POLR3G: variants seen among roughly 807,000 people sequenced by gnomAD.
The protein encoded by POLR3G is DNA-directed RNA polymerase III subunit RPC7.
Under a neutral mutation model 30.1 loss-of-function variants are expected in POLR3G, and 28 were observed. That is an observed-to-expected ratio of 0.93 (90% CI 0.69 to 1.27). POLR3G has a LOEUF of 1.27. POLR3G is among the 50% of genes most tolerant of loss of function. POLR3G has a pLI of 0.00. For missense variants in POLR3G, 254 were observed against 264.6 expected, an observed-to-expected ratio of 0.96 and a Z score of 0.28; for synonymous variants, 79 against 82.5, an observed-to-expected ratio of 0.96 and a Z score of 0.23.
chr5:90,476,731 C>G (rs1247880296), intron 1 of POLR3G, among the ~76,000 whole-genome samples: 1 of 152,200 alleles, frequency 6.6e-6, no homozygotes, highest in East Asian at 1.9e-4. Flanking sequence ...CCAGGTCCCC[C>G]TGCCTGCATC....
chr5:90,511,108 A>G (rs529386212), intron 7 of POLR3G, among the ~76,000 whole-genome samples: 66 of 152,032 alleles, frequency 4.3e-4, no homozygotes, highest in African/African-American at 1.5e-3. Flanking sequence ...CATCTACCCA[A>G]TCCCTCCCTG....
At position 90,492,742 on chromosome 5, in the gene POLR3G, C is replaced by T. The variant is rs949087111; in HGVS notation, c.248-2935C>T. The stretch of plus-strand genomic sequence containing the variant: ...CTAAAAATACAAAAAATTAGCCAGG[C>T]GTGGTAGAGGGCACCTGTACTCCCA... On this transcript the variant is annotated intron_variant, in intron 3 of 7. Transcript: ENST00000651687. Among the ~76,000 whole-genome samples the T allele has an allele frequency of 1.3e-4, 19 of 151,532 alleles. No homozygotes were observed. In the South Asian group the frequency reaches 2.1e-3, roughly 17 times the overall value.
intron 1 of POLR3G, among the ~76,000 whole-genome samples, chr5:90,476,297 C>T (rs1750813879): frequency 1.3e-5 from 2 of 152,152 alleles, no homozygotes; most frequent in Non-Finnish European, 2.9e-5. Flanking sequence ...AGTCGCTGAG[C>T]TGGGTAATTC....
intron 3 of POLR3G, among the ~76,000 whole-genome samples, chr5:90,489,880 G>T (rs1751632594): frequency 6.6e-6 from 1 of 152,148 alleles, no homozygotes; most frequent in Non-Finnish European, 1.5e-5. Context: ...GCTGAGGCAA[G>T]CAGATCACCT....
chr5:90,512,052 G>T lies in POLR3G; in HGVS notation c.586-1G>T. 3 of 1,583,264 alleles carry T rather than the reference G, an allele frequency of 1.9e-6. No individual in the cohort carries two copies. The highest frequency in any genetic ancestry group is 2.6e-6 in the Non-Finnish European group (3 of 1,152,462). ...ACAAAGGAATATATCATTTCACTTA[G>T]GAAAATGACTACATTAATTCATACT... On this transcript the variant is annotated splice_acceptor_variant, in intron 7 of 7. Coordinates refer to ENST00000651687, the MANE Select transcript of POLR3G (RefSeq NM_006467.3). LOFTEE classifies it high-confidence loss of function.
intron 1 of POLR3G, among the ~76,000 whole-genome samples, chr5:90,476,287 A>G (rs1580188408): frequency 6.6e-6 from 1 of 152,322 alleles, no homozygotes; most frequent in Admixed American, 6.5e-5. Context: ...CTTATGCACA[A>G]GTCGCTGAGC....
At chr5:90,495,541 A>C (rs73771275) in intron 3 of POLR3G, 136 bp from the exon 4 acceptor site, 7 of 1,402,032 alleles carry the variant, frequency 5.0e-6, no homozygotes, top group Non-Finnish European at 6.6e-6. Context: ...CCATTCTCTT[A>C]TGTACAAAGG....
upstream of POLR3G, chr5:90,474,039 T>G (rs1019891640): frequency 3.8e-6 from 6 of 1,590,820 alleles, no homozygotes; most frequent in Non-Finnish European, 5.1e-6. Context: ...GTGGTCGAAG[T>G]GCACGTGGGT....
chr5:90,499,265 G>T (rs1752128999), intron 5 of POLR3G, among the ~76,000 whole-genome samples: 1 of 152,032 alleles, frequency 6.6e-6, no homozygotes, highest in East Asian at 1.9e-4. Flanking sequence ...ACATTTAATG[G>T]GCTGGTAGAG....
chr5:90,478,755 G>C (rs1428893424), intron 1 of POLR3G, among the ~76,000 whole-genome samples: 1 of 151,268 alleles, frequency 6.6e-6, no homozygotes, highest in Non-Finnish European at 1.5e-5. Flanking sequence ...GGAGGCCGAG[G>C]AGGGCAGATC....
Position 90,511,180 on chromosome 5 carries a change from G to A in POLR3G, c.586-873G>A, listed in dbSNP as rs181725827. Reference sequence around the variant, plus strand: ...GATTCCAAAGAAAATCCTAGGCATCGTATCATTTCATCCACAAATATGTCA... The same window carrying A: ...GATTCCAAAGAAAATCCTAGGCATCATATCATTTCATCCACAAATATGTCA... On this transcript the variant is annotated intron_variant, in intron 7 of 7. Coordinates refer to ENST00000651687, the MANE Select transcript of POLR3G (RefSeq NM_006467.3). 1.1e-3 allele frequency among the ~76,000 whole-genome samples: 166 copies of A among 152,176 alleles called. 3 individuals carry two copies. The highest frequency in any genetic ancestry group is 4.6e-3 in the South Asian group (22 of 4,826).
At chr5:90,474,674 G>A (rs941965854), upstream of POLR3G, 4 of 276,918 alleles carry the variant, frequency 1.4e-5, no homozygotes, top group African/African-American at 4.7e-5. Flanking sequence ...GCAGAGGCCC[G>A]CAGTGAGGGT....
chr5:90,487,296 C>T (rs1011501163), intron 2 of POLR3G, among the ~76,000 whole-genome samples: 98 of 149,688 alleles, frequency 6.5e-4, no homozygotes, highest in Middle Eastern at 3.6e-3. Flanking sequence ...AATAATACCA[C>T]CACTAGCTGA....
rs1751779238 is a variant in POLR3G, at chr5:90,492,617, T to C, written c.248-3060T>C. ...TGAGACATCAGCCGGGCGCAGTGGCTCACCCCTGTAATCCCAGCACTTTGG... is the reference window on the plus strand; with the variant it reads ...TGAGACATCAGCCGGGCGCAGTGGCCCACCCCTGTAATCCCAGCACTTTGG... On this transcript the variant is annotated intron_variant, in intron 3 of 7. Transcript: ENST00000651687. 2.6e-5 allele frequency among the ~76,000 whole-genome samples: 4 copies of C among 152,150 alleles called. No individual in the cohort carries two copies. The South Asian group carries it at 8.3e-4, about 32-fold the overall frequency.
At chr5:90,482,863 G>A (rs1410718826) in intron 1 of POLR3G, among the ~76,000 whole-genome samples, 2 of 152,158 alleles carry the variant, frequency 1.3e-5, no homozygotes, top group Non-Finnish European at 2.9e-5. Context: ...ATCTCTGGCT[G>A]GGCGCAGTGG....
At chr5:90,482,279 C>T (rs1200106488) in intron 1 of POLR3G, among the ~76,000 whole-genome samples, 1 of 152,156 alleles carries the variant, frequency 6.6e-6, no homozygotes, top group Non-Finnish European at 1.5e-5. Flanking sequence ...TAATTGATCC[C>T]ATCTTGCTTC....
chr5:90,479,984 G>T (rs1751042262), intron 1 of POLR3G, among the ~76,000 whole-genome samples: 1 of 152,164 alleles, frequency 6.6e-6, no homozygotes, highest in Non-Finnish European at 1.5e-5. Flanking sequence ...CAGAAGTGAG[G>T]TGAAAAAGGA....
intron 2 of POLR3G, among the ~76,000 whole-genome samples, chr5:90,487,377 A>C (rs1401497919): frequency 1.3e-4 from 11 of 82,516 alleles, no homozygotes; most frequent in Non-Finnish European, 2.4e-4. Flanking sequence ...TTGGTACATT[A>C]ATTTTTTTTT....
At chr5:90,474,059 A>G, upstream of POLR3G, 2 of 1,583,758 alleles carry the variant, frequency 1.3e-6, no homozygotes, top group Non-Finnish European at 1.7e-6. Flanking sequence ...TGGCCACGGC[A>G]AGCAGTGGCC....
Sources: allele counts gnomAD v4.1 joint callset (sites outside exome capture counted in the v4.1 genomes callset), GRCh38; gene constraint gnomAD v4.1.1; transcripts MANE v1.5; gene names NCBI Gene and HGNC (gene_info 2026-07-23, HGNC 2026-07-21).